Variants in MAGI2 observed in about 807,000 individuals in gnomAD.
MAGI2 encodes the protein membrane-associated guanylate kinase, WW and PDZ domain-containing protein 2.
A neutral mutation model predicts 133.3 loss-of-function variants in MAGI2; 35 were observed. The ratio of observed to expected loss-of-function variants is 0.26; its 90% confidence interval spans 0.20 to 0.35. The LOEUF is 0.35. MAGI2 is among the 10% of genes least tolerant of loss of function. The probability of loss-of-function intolerance (pLI) is 1.00; values close to 1 mark genes in which losing one functional copy is unlikely to be tolerated. For synonymous variants in MAGI2, 729 were observed against 710.6 expected, an observed-to-expected ratio of 1.03 and a Z score of -0.41; for missense variants, 1,636 against 1,863.4, an observed-to-expected ratio of 0.88 and a Z score of 2.25.
intron 2 of MAGI2, among the ~76,000 whole-genome samples, chr7:78,810,957 G>A (rs1364368449): frequency 3.3e-5 from 5 of 151,822 alleles, no homozygotes; most frequent in Admixed American, 2.6e-4. Context: ...AACATATATG[G>A]CAACTTTTAA....
At chr7:78,286,302 A>ATATT (rs1225881443) in intron 9 of MAGI2, among the ~76,000 whole-genome samples, 1 of 152,008 alleles carries the variant, frequency 6.6e-6, no homozygotes, top group African/African-American at 2.4e-5. Context: ...CTTTTAAAAG[A>ATATT]TATTTTTCTT....
At chr7:78,057,886 A>T (rs1411030529) in intron 21 of MAGI2, among the ~76,000 whole-genome samples, 2 of 150,576 alleles carry the variant, frequency 1.3e-5, no homozygotes, top group African/African-American at 4.9e-5. Context: ...GTAACAAGCT[A>T]TTGATGGCTA....
chr7:79,374,082 C>T (rs1412175580), intron 1 of MAGI2, among the ~76,000 whole-genome samples: 1 of 151,918 alleles, frequency 6.6e-6, no homozygotes, highest in African/African-American at 2.4e-5. Flanking sequence ...TGATATGGTA[C>T]ACAAACACAC....
At chr7:78,952,023 T>A (rs1228007134) in intron 2 of MAGI2, among the ~76,000 whole-genome samples, 2 of 152,174 alleles carry the variant, frequency 1.3e-5, no homozygotes, top group Non-Finnish European at 2.9e-5. Context: ...TCAATGGCTC[T>A]TCCTTCCTCA....
At chr7:78,595,758 T>C (rs1266810374) in intron 3 of MAGI2, among the ~76,000 whole-genome samples, 1 of 151,864 alleles carries the variant, frequency 6.6e-6, no homozygotes, top group Non-Finnish European at 1.5e-5. Context: ...TTACGGGGAG[T>C]AGAATGCTGG....
chr7:78,952,092 C>T (rs1440231879), intron 2 of MAGI2, among the ~76,000 whole-genome samples: 1 of 152,174 alleles, frequency 6.6e-6, no homozygotes, highest in Non-Finnish European at 1.5e-5. Flanking sequence ...TGGCTCCAAA[C>T]TACCCTTCCA....
At chr7:78,187,862 C>T (rs181991247) in intron 12 of MAGI2, among the ~76,000 whole-genome samples, 19 of 152,196 alleles carry the variant, frequency 1.2e-4, no homozygotes, top group Admixed American at 7.9e-4. Flanking sequence ...ACTCTATAGC[C>T]CTGATGGTCT....
At chr7:78,923,933 A>G (rs1191458394) in intron 2 of MAGI2, among the ~76,000 whole-genome samples, 3 of 152,052 alleles carry the variant, frequency 2.0e-5, no homozygotes, top group South Asian at 4.2e-4. Context: ...TGGGTTCCTA[A>G]GTATTTTATT....
intron 1 of MAGI2, among the ~76,000 whole-genome samples, chr7:79,075,418 G>T (rs1815373241): frequency 6.6e-6 from 1 of 152,154 alleles, no homozygotes; most frequent in African/African-American, 2.4e-5. Flanking sequence ...AGTCAGGATT[G>T]TATCAGATTC....
chr7:78,447,557 G>C (rs1245468785), intron 6 of MAGI2, among the ~76,000 whole-genome samples: 4 of 152,052 alleles, frequency 2.6e-5, no homozygotes, highest in African/African-American at 9.7e-5. Context: ...GAGGTCAGCG[G>C]GGGAGGTATG....
chr7:78,577,836 G>A (rs1802427533), intron 3 of MAGI2, among the ~76,000 whole-genome samples: 1 of 152,106 alleles, frequency 6.6e-6, no homozygotes. Flanking sequence ...TGTACGTGCA[G>A]GTCACAGGGG....
chr7:79,068,236 G>A (rs1814576632), intron 1 of MAGI2, among the ~76,000 whole-genome samples: 1 of 152,090 alleles, frequency 6.6e-6, no homozygotes, highest in Non-Finnish European at 1.5e-5. Context: ...TCTGGTCCTG[G>A]ACTTCTTTTT....
intron 2 of MAGI2, among the ~76,000 whole-genome samples, chr7:78,733,202 G>A (rs1821531762): frequency 6.6e-6 from 1 of 152,108 alleles, no homozygotes; most frequent in Non-Finnish European, 1.5e-5. Flanking sequence ...CTTCTCACAG[G>A]CAATTACTAT....
In MAGI2 at chr7:79,066,454, T is replaced by A. The variant is rs577981506; in HGVS notation, c.302-59248A>T. Among the ~76,000 whole-genome samples the A allele has an allele frequency of 5.4e-4, 82 of 152,232 alleles. 1 individual carries two copies. Among genetic ancestry groups the A allele is most frequent in the African/African-American group, 1.9e-3 (77 of 41,550 alleles). The stretch of plus-strand genomic sequence containing the variant: ...TAAATTTGTTTAAGTTCTTTGTAGA[T>A]TCTGGATATTAGCCCTTTTTCAGAT... On this transcript the variant is annotated intron_variant, in intron 1 of 21. Coordinates refer to ENST00000354212, the MANE Select transcript of MAGI2 (RefSeq NM_012301.4).
At chr7:79,243,679 G>A (rs1832600900) in intron 1 of MAGI2, among the ~76,000 whole-genome samples, 1 of 152,196 alleles carries the variant, frequency 6.6e-6, no homozygotes, top group Non-Finnish European at 1.5e-5. Flanking sequence ...CTGACTTACT[G>A]CTGCTGATTT....
intron 2 of MAGI2, among the ~76,000 whole-genome samples, chr7:78,826,812 C>G (rs1016427925): frequency 3.9e-5 from 6 of 151,950 alleles, no homozygotes; most frequent in African/African-American, 1.5e-4. Context: ...GAGTCTAGGA[C>G]TAAAGGCAAT....
chr7:79,053,350 A>T (rs903047681), intron 1 of MAGI2, among the ~76,000 whole-genome samples: 3 of 151,574 alleles, frequency 2.0e-5, no homozygotes, highest in Non-Finnish European at 4.4e-5. Context: ...AACAAGGGAG[A>T]CTACACAGAA....
intron 3 of MAGI2, among the ~76,000 whole-genome samples, chr7:78,556,421 C>T (rs1257922652): frequency 1.3e-5 from 2 of 152,182 alleles, no homozygotes; most frequent in East Asian, 3.9e-4. Flanking sequence ...GGCTTCAGGA[C>T]TGGATTCATC....
rs148240352 is a variant in MAGI2, at chr7:79,453,102, G to A, written c.219C>T (p.Pro73=). 2.9e-3 allele frequency: 4,643 copies of A among 1,613,770 alleles called. 9 individuals are homozygous for A. The highest frequency in any genetic ancestry group is 3.8e-3 in the Non-Finnish European group (4,447 of 1,179,968). The change falls in exon 1 of 22, where the codon CCC becomes CCT. Residue 73 remains proline, a synonymous_variant. Coordinates refer to ENST00000354212, the MANE Select transcript of MAGI2 (RefSeq NM_012301.4). ...CGTCCCTGATGGTGAGCCCCGCCAC[G>A]GGGGTCTCGTTCACCTCCAGCAGCA... ...EELLLEVNET[P]VAGLTIRDVL...
Sources: allele counts gnomAD v4.1 joint callset (sites outside exome capture counted in the v4.1 genomes callset), GRCh38; gene constraint gnomAD v4.1.1; transcripts MANE v1.5; gene names NCBI Gene and HGNC (gene_info 2026-07-23, HGNC 2026-07-21).